Variants in AUTS2 observed in about 807,000 individuals in gnomAD.
The protein encoded by AUTS2 is autism susceptibility gene 2 protein.
In AUTS2, 17 loss-of-function variants were observed where a neutral mutation model predicts 112.4. The ratio of observed to expected loss-of-function variants is 0.15; its 90% CI spans 0.10 to 0.23. The LOEUF (loss-of-function observed/expected upper bound fraction) is 0.23. Ranked by LOEUF, AUTS2 falls within the 10% of genes least tolerant of loss-of-function variation. The probability of loss-of-function intolerance (pLI) is 1.00; values close to 1 mark genes in which losing one functional copy is unlikely to be tolerated. For missense variants in AUTS2, 1,510 were observed against 1,701.6 expected, an observed-to-expected ratio of 0.89 and a Z score of 1.98; for synonymous variants, 751 against 702.7, an observed-to-expected ratio of 1.07 and a Z score of -1.09.
At chr7:69,924,706 C>T (rs1343225882) in intron 2 of AUTS2, among the ~76,000 whole-genome samples, 3 of 152,124 alleles carry the variant, frequency 2.0e-5, no homozygotes, top group East Asian at 1.9e-4. Flanking sequence ...CATGCGCCAC[C>T]ACGCCCAGCT....
At chr7:70,488,229 G>A (rs943888265) in intron 5 of AUTS2, among the ~76,000 whole-genome samples, 4 of 152,212 alleles carry the variant, frequency 2.6e-5, no homozygotes, top group African/African-American at 9.6e-5. Flanking sequence ...TCTAAGCTGA[G>A]GAGTGCTGGG....
intron 4 of AUTS2, among the ~76,000 whole-genome samples, chr7:70,183,187 G>A (rs573071208): frequency 6.6e-6 from 1 of 152,122 alleles, no homozygotes; most frequent in South Asian, 2.1e-4. Flanking sequence ...ATTTATTCAT[G>A]TTTCTTCAGA....
intron 4 of AUTS2, among the ~76,000 whole-genome samples, chr7:70,336,626 G>T (rs1215434026): frequency 6.6e-6 from 1 of 151,938 alleles, no homozygotes; most frequent in African/African-American, 2.4e-5. Context: ...ACACATTCAG[G>T]ATTCTTTAAT....
At chr7:70,544,224 C>T (rs1307841179) in intron 5 of AUTS2, among the ~76,000 whole-genome samples, 2 of 152,182 alleles carry the variant, frequency 1.3e-5, no homozygotes, top group East Asian at 1.9e-4. Flanking sequence ...TGCCAGGAGG[C>T]TTGACATCTG....
chr7:70,132,164 TAAAAAAA>T (rs200482728), intron 3 of AUTS2, among the ~76,000 whole-genome samples: 7 of 102,596 alleles, frequency 6.8e-5, no homozygotes, highest in East Asian at 5.4e-4. Flanking sequence ...TCTTTTCCCT[TAAAAAAA>T]AAAAAAAAAA....
At chr7:69,912,400 C>T (rs1267957675) in intron 2 of AUTS2, among the ~76,000 whole-genome samples, 1 of 152,134 alleles carries the variant, frequency 6.6e-6, no homozygotes, top group Non-Finnish European at 1.5e-5. Context: ...GGGTGGGGCT[C>T]CTGCCTGTTC....
At chr7:70,105,828 A>G (rs1804739422) in intron 2 of AUTS2, among the ~76,000 whole-genome samples, 1 of 151,878 alleles carries the variant, frequency 6.6e-6, no homozygotes, top group African/African-American at 2.4e-5. Context: ...GAACAAATCT[A>G]CCTGTGCATG....
chr7:70,506,816 T>A (rs954595725), intron 5 of AUTS2, among the ~76,000 whole-genome samples: 1 of 152,196 alleles, frequency 6.6e-6, no homozygotes, highest in Non-Finnish European at 1.5e-5. Context: ...CTTATCTATA[T>A]GGGGGAAATT....
chr7:70,032,002 A>G (rs1372383367), intron 2 of AUTS2, among the ~76,000 whole-genome samples: 4 of 152,118 alleles, frequency 2.6e-5, no homozygotes, highest in Non-Finnish European at 5.9e-5. Flanking sequence ...AGTGAAGCAC[A>G]TTTTCCCACA....
In AUTS2 at chr7:69,688,711, A is replaced by T. The variant is rs1437117409; in HGVS notation, c.309+88749A>T. 2.5e-4 allele frequency among the ~76,000 whole-genome samples: 38 copies of T among 152,180 alleles called. 1 individual carries two copies. Among genetic ancestry groups the T allele is most frequent in the Non-Finnish European group, 5.9e-5 (4 of 68,034 alleles). ...TATAGTCATCTTCCAGTGCTATAGAACACTATAATAGAACTTACTCCTATT... is the reference window on the plus strand; with the variant it reads ...TATAGTCATCTTCCAGTGCTATAGATCACTATAATAGAACTTACTCCTATT... On this transcript the variant is annotated intron_variant, in intron 1 of 18. Coordinates refer to ENST00000342771, the MANE Select transcript of AUTS2 (RefSeq NM_015570.4).
chr7:70,428,303 A>G (rs1424465683), intron 4 of AUTS2, among the ~76,000 whole-genome samples: 1 of 152,188 alleles, frequency 6.6e-6, no homozygotes, highest in African/African-American at 2.4e-5. Context: ...CAGAGCTGCC[A>G]TATGTGGCAC....
chr7:70,253,841 C>G (rs151242691), intron 4 of AUTS2, among the ~76,000 whole-genome samples: 2,494 of 151,904 alleles, frequency 0.016, 24 homozygotes, highest in Middle Eastern at 0.031. Flanking sequence ...TTTAGTTCAT[C>G]TAGCACTGAA....
chr7:69,757,199 A>G (rs1424067011), intron 1 of AUTS2, among the ~76,000 whole-genome samples: 1 of 152,208 alleles, frequency 6.6e-6, no homozygotes, highest in Non-Finnish European at 1.5e-5. Context: ...GGATATTGTT[A>G]TAAGCCAAAT....
intron 5 of AUTS2, among the ~76,000 whole-genome samples, chr7:70,606,011 C>G (rs1803739761): frequency 6.6e-6 from 1 of 152,224 alleles, no homozygotes; most frequent in Non-Finnish European, 1.5e-5. Context: ...AGGGTCATAG[C>G]AAGCCTTTTC....
At chr7:70,328,303 C>T (rs567385116) in intron 4 of AUTS2, among the ~76,000 whole-genome samples, 16 of 152,200 alleles carry the variant, frequency 1.1e-4, no homozygotes, top group Non-Finnish European at 1.6e-4. Context: ...CTCACTGTAG[C>T]CTTGAACTCC....
rs2129560556 is a variant in AUTS2 at position 70,785,009 on chromosome 7, T to C, written c.2214T>C (p.Ala738=). The part of the protein sequence containing the change: ...PPHHSNFLNP[A]AHLEPFNRPS... ...ATCACAGCAACTTCCTCAACCCTGC[T>C]GCCCACCTAGGTGAGTCGCCCAAAA... Residue 738 remains alanine, a synonymous_variant, in exon 16 of 19, where the codon GCT becomes GCC. Transcript: ENST00000342771. 6.2e-7 allele frequency: 1 copy of C among 1,614,226 alleles called. No homozygotes were observed. Among genetic ancestry groups the C allele is most frequent in the Non-Finnish European group, 8.5e-7 (1 of 1,180,048 alleles).
At chr7:70,310,608 G>A (rs1173229566) in intron 4 of AUTS2, among the ~76,000 whole-genome samples, 2 of 136,986 alleles carry the variant, frequency 1.5e-5, no homozygotes, top group Non-Finnish European at 3.1e-5. Context: ...GCGAGACTCT[G>A]TCTTAAAAAA....
chr7:70,500,596 G>A (rs1044931923), intron 5 of AUTS2, among the ~76,000 whole-genome samples: 1 of 152,154 alleles, frequency 6.6e-6, no homozygotes, highest in Non-Finnish European at 1.5e-5. Flanking sequence ...GAAGCCGTGG[G>A]CCTTTCTCAA....
chr7:70,612,372 T>TCA (rs1804138744), intron 5 of AUTS2, among the ~76,000 whole-genome samples: 1 of 152,220 alleles, frequency 6.6e-6, no homozygotes, highest in Admixed American at 6.5e-5. Flanking sequence ...CATCGTCAGC[T>TCA]GTGGTTGCTC....
Sources: gnomAD v4.1 joint callset for allele counts (sites outside exome capture counted in the v4.1 genomes callset) on GRCh38, gnomAD v4.1.1 for gene constraint, MANE v1.5 for transcripts, NCBI Gene and HGNC (gene_info 2026-07-23, HGNC 2026-07-21) for gene names.